NEGR1: variants seen among roughly 807,000 people sequenced by gnomAD.
NEGR1 encodes the protein neuronal growth regulator 1, also known as IgLON family member 4.
Under a neutral mutation model 40.9 loss-of-function variants are expected in NEGR1, and 10 were observed. That is an observed-to-expected ratio of 0.24 (90% CI 0.15 to 0.42). The LOEUF is 0.42. Among genes scored for constraint, NEGR1 ranks in the 10% least tolerant of loss-of-function variants. NEGR1 has a pLI of 1.00. For missense variants in NEGR1, 352 were observed against 438.9 expected (o/e 0.80, Z 1.77); for synonymous variants, 185 against 166.8 (o/e 1.11, Z -0.84).
chr1:71,751,012 T>C (rs1655554088), intron 3 of NEGR1, among the ~76,000 whole-genome samples: 2 of 152,102 alleles, frequency 1.3e-5, no homozygotes, highest in African/African-American at 2.4e-5. Flanking sequence ...GATGATCTTA[T>C]ACAGGTGTAC....
chr1:72,058,120 C>T (rs796715231), intron 1 of NEGR1, among the ~76,000 whole-genome samples: 7 of 151,562 alleles, frequency 4.6e-5, no homozygotes, highest in African/African-American at 1.7e-4. Flanking sequence ...AATTACAGTG[C>T]CTTTGAGGCT....
chr1:71,840,846 T>A (rs1659210908), intron 2 of NEGR1, among the ~76,000 whole-genome samples: 1 of 152,158 alleles, frequency 6.6e-6, no homozygotes, highest in Non-Finnish European at 1.5e-5. Flanking sequence ...TAAAGTAGAT[T>A]GCCTTTTATA....
intron 4 of NEGR1, among the ~76,000 whole-genome samples, chr1:71,630,007 T>C (rs1427836933): frequency 5.9e-5 from 9 of 151,946 alleles, no homozygotes; most frequent in African/African-American, 2.2e-4. Context: ...ACTATGGAAA[T>C]AGCACAATTT....
rs17092353 is a variant in NEGR1 at position 72,105,263 on chromosome 1, T to C, written c.177-169952A>G. The stretch of plus-strand genomic sequence containing the variant: ...ATCCACTTTGAGAATAAAAACTAGA[T>C]TGTTTGATGCAGATATACATGAATT... On this transcript the variant is annotated intron_variant, in intron 1 of 6. Coordinates refer to ENST00000357731, the MANE Select transcript of NEGR1 (RefSeq NM_173808.3). 2.5e-3 allele frequency among the ~76,000 whole-genome samples: 380 copies of C among 152,252 alleles called. 4 individuals carry two copies. Among genetic ancestry groups the C allele is most frequent in the African/African-American group, 8.7e-3 (361 of 41,568 alleles).
intron 2 of NEGR1, among the ~76,000 whole-genome samples, chr1:71,916,680 T>C (rs1474506084): frequency 6.6e-6 from 1 of 152,048 alleles, no homozygotes; most frequent in Non-Finnish European, 1.5e-5. Context: ...TGCTTGAACC[T>C]GGGAGGTGGA....
intron 1 of NEGR1, among the ~76,000 whole-genome samples, chr1:72,244,004 T>C (rs920269180): frequency 2.6e-5 from 4 of 151,880 alleles, no homozygotes; most frequent in Non-Finnish European, 5.9e-5. Context: ...TTTATCTAAG[T>C]ATAGCATCTT....
At chr1:72,059,581 C>T (rs1010576498) in intron 1 of NEGR1, among the ~76,000 whole-genome samples, 1 of 151,568 alleles carries the variant, frequency 6.6e-6, no homozygotes, top group Non-Finnish European at 1.5e-5. Context: ...ATTATAAACA[C>T]ATGGATAACC....
chr1:71,688,330 A>ATAGC (rs1653114473), intron 4 of NEGR1, among the ~76,000 whole-genome samples: 2 of 82,124 alleles, frequency 2.4e-5, no homozygotes, highest in African/African-American at 4.5e-5. Flanking sequence ...ATATATATAG[A>ATAGC]TAGATAGATA....
chr1:72,164,121 T>C (rs974737015), intron 1 of NEGR1, among the ~76,000 whole-genome samples: 1 of 151,876 alleles, frequency 6.6e-6, no homozygotes, highest in Non-Finnish European at 1.5e-5. Context: ...ATGCAGACTA[T>C]GGAAACAAAA....
chr1:72,075,438 C>T (rs967823354), intron 1 of NEGR1, among the ~76,000 whole-genome samples: 3 of 152,104 alleles, frequency 2.0e-5, no homozygotes, highest in East Asian at 1.9e-4. Context: ...GATATTAAGA[C>T]TATATACTGG....
intron 1 of NEGR1, among the ~76,000 whole-genome samples, chr1:72,208,235 T>C (rs1224793982): frequency 6.6e-6 from 1 of 151,792 alleles, no homozygotes; most frequent in East Asian, 1.9e-4. Flanking sequence ...TGTGGAAAAC[T>C]ATGAAACAGT....
At chr1:72,124,930 G>A (rs763752669) in intron 1 of NEGR1, among the ~76,000 whole-genome samples, 5 of 151,966 alleles carry the variant, frequency 3.3e-5, no homozygotes, top group Admixed American at 6.6e-5. Flanking sequence ...ATTTTAAAGT[G>A]AGTAGTATTT....
At chr1:71,442,422 C>T (rs933042176) in intron 6 of NEGR1, among the ~76,000 whole-genome samples, 1 of 151,894 alleles carries the variant, frequency 6.6e-6, no homozygotes, top group African/African-American at 2.4e-5. Flanking sequence ...CGAGACCAGC[C>T]TGGAAACATG....
At chr1:71,640,048 C>T (rs1349978880) in intron 4 of NEGR1, among the ~76,000 whole-genome samples, 6 of 152,016 alleles carry the variant, frequency 3.9e-5, no homozygotes, top group Admixed American at 6.6e-5. Flanking sequence ...GTCATATTTT[C>T]CTTGCCACAA....
intron 6 of NEGR1, among the ~76,000 whole-genome samples, chr1:71,450,393 A>G (rs1452535525): frequency 1.3e-5 from 2 of 152,100 alleles, no homozygotes; most frequent in Non-Finnish European, 2.9e-5. Context: ...TAACTCTATC[A>G]TTTAAATCGT....
At chr1:71,810,418 C>G (rs748185822) in intron 2 of NEGR1, among the ~76,000 whole-genome samples, 2 of 151,962 alleles carry the variant, frequency 1.3e-5, no homozygotes, top group Non-Finnish European at 2.9e-5. Flanking sequence ...ATTTTCCAGT[C>G]AGATAATCTA....
At chr1:71,799,046 G>GT (rs202070801) in intron 2 of NEGR1, among the ~76,000 whole-genome samples, 13,650 of 143,664 alleles carry the variant, frequency 0.095, 772 homozygotes, top group African/African-American at 0.16. Context: ...ATTGAATGGT[G>GT]TTTTTTTTTT....
chr1:71,799,179 T>C (rs1657455537), intron 2 of NEGR1, among the ~76,000 whole-genome samples: 1 of 152,070 alleles, frequency 6.6e-6, no homozygotes, highest in African/African-American at 2.4e-5. Context: ...GTTCTACTAA[T>C]GCTATCCCTC....
chr1:71,986,850 C>T (rs755104637), intron 1 of NEGR1, among the ~76,000 whole-genome samples: 50 of 152,126 alleles, frequency 3.3e-4, no homozygotes, highest in Non-Finnish European at 5.7e-4. Flanking sequence ...TTCTTCTGTC[C>T]CTTTTCCCCA....
Sources: gnomAD v4.1 joint callset for allele counts (sites outside exome capture counted in the v4.1 genomes callset) on GRCh38, gnomAD v4.1.1 for gene constraint, MANE v1.5 for transcripts, NCBI Gene and HGNC (gene_info 2026-07-23, HGNC 2026-07-21) for gene names.